Variants in FSHR observed in about 807,000 individuals in gnomAD.
FSHR encodes follicle stimulating hormone receptor, also known as follicle-stimulating hormone receptor.
FSHR carries 46 observed loss-of-function variants against 52.1 expected under a neutral mutation model. The ratio of observed to expected loss-of-function variants is 0.88; its 90% CI spans 0.70 to 1.13. The LOEUF (loss-of-function observed/expected upper bound fraction) is 1.13. FSHR is among the 50% of genes most tolerant of loss of function. The pLI, the probability that FSHR is intolerant of heterozygous loss-of-function variation, is 0.00. For synonymous variants in FSHR, 399 were observed against 309.6 expected (o/e 1.29, Z -3.03); for missense variants, 964 against 834.6 (o/e 1.16, Z -1.91).
chr2:48,972,956 A>G (rs763345362), intron 8 of FSHR, among the ~76,000 whole-genome samples: 16 of 152,226 alleles, frequency 1.1e-4, no homozygotes, highest in Non-Finnish European at 1.9e-4. Context: ...TCTGTGGTAG[A>G]TTAAAGATGA....
At chr2:49,011,714 C>T (rs1393317003) in intron 4 of FSHR, among the ~76,000 whole-genome samples, 1 of 152,070 alleles carries the variant, frequency 6.6e-6, no homozygotes, top group Non-Finnish European at 1.5e-5. Context: ...CAAGCTTATG[C>T]AGCAAATAAG....
intron 1 of FSHR, among the ~76,000 whole-genome samples, chr2:49,072,986 A>T (rs1669794810): frequency 6.6e-6 from 1 of 152,146 alleles, no homozygotes; most frequent in Non-Finnish European, 1.5e-5. Context: ...TTCAAAAGGT[A>T]TGTGCACATT....
At chr2:49,021,631 C>A (rs866069817) in intron 2 of FSHR, among the ~76,000 whole-genome samples, 13 of 151,912 alleles carry the variant, frequency 8.6e-5, no homozygotes, top group Admixed American at 1.3e-4. Context: ...ACTGGTGCAT[C>A]TGTGACCAGG....
At chr2:49,049,238 A>G (rs953390072) in intron 2 of FSHR, among the ~76,000 whole-genome samples, 1 of 152,158 alleles carries the variant, frequency 6.6e-6, no homozygotes, top group Non-Finnish European at 1.5e-5. Context: ...GCACTGACAA[A>G]TATAATTCAC....
chr2:49,116,394 G>A (rs898442394), intron 1 of FSHR, among the ~76,000 whole-genome samples: 1 of 152,180 alleles, frequency 6.6e-6, no homozygotes, highest in Admixed American at 6.5e-5. Flanking sequence ...TAAGGTGGAG[G>A]ATGTGGGCTT....
intron 8 of FSHR, among the ~76,000 whole-genome samples, chr2:48,981,996 C>T (rs374074612): frequency 2.0e-5 from 3 of 152,204 alleles, no homozygotes; most frequent in East Asian, 3.8e-4. Flanking sequence ...CCTTCTTGTA[C>T]CTCATTCTCT....
chr2:49,139,887 C>T lies in FSHR; in HGVS notation c.152+14379G>A, dbSNP rs180680854. Among the ~76,000 whole-genome samples the T allele has an allele frequency of 8.5e-4, 129 of 152,148 alleles. 3 individuals carry two copies. The South Asian group carries it at 0.021, about 25-fold the overall frequency. On this transcript the variant is annotated intron_variant, in intron 1 of 9. Transcript: ENST00000406846. ...TGCTGAGATTACAGGCGTGAGCCAC[C>T]GCACCCAGCCCCAAGAAATTTTATG...
rs758555494 is a variant in FSHR, at chr2:49,102,997, A to AT, written c.153-34708dup. Among the ~76,000 whole-genome samples the AT allele has an allele frequency of 2.6e-5, 4 of 151,936 alleles. No homozygotes were observed. In the East Asian group the frequency reaches 5.8e-4, roughly 22 times the overall value. ...TCCCTAAGGCACTTTTTAGATAGAC[A>AT]TTTTTTCTCTAATCTTCCCCGCCTT... On this transcript the variant is annotated intron_variant, in intron 1 of 9. Transcript: ENST00000406846.
chr2:49,078,316 A>G (rs1195898017), intron 1 of FSHR, among the ~76,000 whole-genome samples: 1 of 152,176 alleles, frequency 6.6e-6, no homozygotes, highest in African/African-American at 2.4e-5. Context: ...CTTATTCACT[A>G]TCATGAGAAC....
intron 1 of FSHR, among the ~76,000 whole-genome samples, chr2:49,085,295 A>AC (rs1434872515): frequency 6.6e-6 from 1 of 152,230 alleles, no homozygotes; most frequent in Non-Finnish European, 1.5e-5. Flanking sequence ...AAATTCAACA[A>AC]CCTTCATGCT....
chr2:49,082,072 G>A (rs1026520438), intron 1 of FSHR, among the ~76,000 whole-genome samples: 4 of 152,200 alleles, frequency 2.6e-5, no homozygotes, highest in Non-Finnish European at 5.9e-5. Context: ...CCCAGCGTGA[G>A]CGACACAGAA....
intron 1 of FSHR, among the ~76,000 whole-genome samples, chr2:49,109,814 A>C (rs1196063911): frequency 1.3e-5 from 2 of 152,192 alleles, no homozygotes; most frequent in African/African-American, 2.4e-5. Context: ...GTGAAAATAA[A>C]ATTTTAAATT....
chr2:49,043,808 A>C (rs911951395), intron 2 of FSHR, among the ~76,000 whole-genome samples: 1 of 152,112 alleles, frequency 6.6e-6, no homozygotes, highest in African/African-American at 2.4e-5. Context: ...GGAGCCTGCA[A>C]CCTCTTTGAG....
chr2:49,116,543 G>A (rs1671606841), intron 1 of FSHR, among the ~76,000 whole-genome samples: 1 of 152,118 alleles, frequency 6.6e-6, no homozygotes, highest in Non-Finnish European at 1.5e-5. Context: ...ATTAAATGAG[G>A]TAATGTAAAT....
intron 4 of FSHR, among the ~76,000 whole-genome samples, chr2:49,015,808 T>C (rs971843674): frequency 6.6e-6 from 1 of 152,122 alleles, no homozygotes; most frequent in Admixed American, 6.5e-5. Flanking sequence ...TAAATAAAAA[T>C]GCAGAGCCTC....
At chr2:49,087,070 G>GTTTTTT (rs56890721) in intron 1 of FSHR, among the ~76,000 whole-genome samples, 10,589 of 86,426 alleles carry the variant, frequency 0.12, 1,387 homozygotes, top group East Asian at 0.17. Flanking sequence ...TGTGGGCAGG[G>GTTTTTT]TTTTTTTTTT....
chr2:49,111,732 T>C (rs1370131638), intron 1 of FSHR, among the ~76,000 whole-genome samples: 3 of 152,148 alleles, frequency 2.0e-5, no homozygotes, highest in Non-Finnish European at 4.4e-5. Context: ...TTATGAGTTT[T>C]CACAGAAGGC....
intron 2 of FSHR, among the ~76,000 whole-genome samples, chr2:49,065,602 T>C (rs1379126280): frequency 6.6e-6 from 1 of 152,108 alleles, no homozygotes; most frequent in East Asian, 1.9e-4. Context: ...TCCAGGTATT[T>C]GCAGTTCACT....
intron 1 of FSHR, among the ~76,000 whole-genome samples, chr2:49,092,516 C>G (rs1302829337): frequency 6.6e-6 from 1 of 152,184 alleles, no homozygotes; most frequent in Non-Finnish European, 1.5e-5. Flanking sequence ...GCTTCTATCT[C>G]TAGTCTGCTG....
Sources: allele counts gnomAD v4.1 joint callset (sites outside exome capture counted in the v4.1 genomes callset), GRCh38; gene constraint gnomAD v4.1.1; transcripts MANE v1.5; gene names NCBI Gene and HGNC (gene_info 2026-07-23, HGNC 2026-07-21).